MTSS1: variants seen among roughly 807,000 people sequenced by gnomAD.
MTSS1 encodes the protein MTSS I-BAR domain containing 1, also known as protein MTSS 1.
Under a neutral mutation model 79.0 loss-of-function variants are expected in MTSS1, and 18 were observed. The observed-to-expected ratio is 0.23, with a 90% CI of 0.16 to 0.34. The LOEUF (loss-of-function observed/expected upper bound fraction) is 0.34. Ranked by LOEUF, MTSS1 falls within the 10% of genes least tolerant of loss-of-function variation. The pLI is 1.00. For synonymous variants in MTSS1, 341 were observed against 368.6 expected, an observed-to-expected ratio of 0.93 and a Z score of 0.86; for missense variants, 815 against 986.2, an observed-to-expected ratio of 0.83 and a Z score of 2.33.
chr8:124,570,983 A>G (rs986790437), intron 6 of MTSS1, among the ~76,000 whole-genome samples: 1 of 152,056 alleles, frequency 6.6e-6, no homozygotes, highest in African/African-American at 2.4e-5. Context: ...GTTTCAGCAT[A>G]TTTTCAAGGT....
intron 3 of MTSS1, among the ~76,000 whole-genome samples, chr8:124,689,690 G>A (rs1334780054): frequency 6.8e-6 from 1 of 146,598 alleles, no homozygotes; most frequent in Non-Finnish European, 1.5e-5. Flanking sequence ...AGGTTCCAGT[G>A]AGCCAAGATC....
intron 1 of MTSS1, among the ~76,000 whole-genome samples, chr8:124,709,493 T>C (rs928945985): frequency 6.6e-6 from 1 of 152,190 alleles, no homozygotes; most frequent in Non-Finnish European, 1.5e-5. Context: ...CGCCCCGGCT[T>C]CTGCCAAGTC....
intron 1 of MTSS1, among the ~76,000 whole-genome samples, chr8:124,711,387 C>G (rs148042116): frequency 6.6e-6 from 1 of 152,164 alleles, no homozygotes; most frequent in Non-Finnish European, 1.5e-5. Context: ...GAAACTGATG[C>G]CCAGAGAGGT....
chr8:124,636,824 C>T (rs535408660), intron 3 of MTSS1, among the ~76,000 whole-genome samples: 2 of 152,318 alleles, frequency 1.3e-5, no homozygotes, highest in South Asian at 2.1e-4. Flanking sequence ...GGACCTTGCA[C>T]GATGACCTTT....
intron 3 of MTSS1, among the ~76,000 whole-genome samples, chr8:124,674,593 C>T (rs956506972): frequency 2.6e-5 from 4 of 152,182 alleles, no homozygotes; most frequent in Non-Finnish European, 4.4e-5. Flanking sequence ...ATCCGCCCCC[C>T]TCGGCCTCCC....
chr8:124,621,598 G>A (rs1813527859), intron 3 of MTSS1, among the ~76,000 whole-genome samples: 1 of 152,162 alleles, frequency 6.6e-6, no homozygotes, highest in Admixed American at 6.5e-5. Flanking sequence ...AGGCTACAGT[G>A]CAGTGGCGCC....
chr8:124,571,824 TGTGGTGGCACACGCCTGTA>T (rs1412337980), intron 6 of MTSS1, among the ~76,000 whole-genome samples: 1 of 152,030 alleles, frequency 6.6e-6, no homozygotes, highest in African/African-American at 2.4e-5. Context: ...ATTAGCTGGG[TGTGGTGGCACACGCCTGTA>T]GTCCCAGCCA....
At chr8:124,570,503 ATTG>A (rs1827521392) in intron 6 of MTSS1, among the ~76,000 whole-genome samples, 1 of 152,274 alleles carries the variant, frequency 6.6e-6, no homozygotes, top group South Asian at 2.1e-4. Context: ...TTCTATTATT[ATTG>A]TTGTTAATCT....
chr8:124,720,969 A>G (rs1267601758), intron 1 of MTSS1, among the ~76,000 whole-genome samples: 1 of 152,192 alleles, frequency 6.6e-6, no homozygotes, highest in Non-Finnish European at 1.5e-5. Flanking sequence ...TAACTCGCCC[A>G]TGGGATTTGA....
At chr8:124,671,812 C>T (rs547926962) in intron 3 of MTSS1, among the ~76,000 whole-genome samples, 15 of 152,334 alleles carry the variant, frequency 9.8e-5, no homozygotes, top group Middle Eastern at 3.4e-3. Flanking sequence ...GATCAACATC[C>T]ATTTCCTTTA....
chr8:124,675,928 C>A (rs139122868), intron 3 of MTSS1, among the ~76,000 whole-genome samples: 3 of 152,198 alleles, frequency 2.0e-5, no homozygotes, highest in Admixed American at 1.3e-4. Flanking sequence ...TTGGTTATCA[C>A]GAATAATGTT....
chr8:124,594,576 G>A (rs1255912280), intron 3 of MTSS1, among the ~76,000 whole-genome samples: 2 of 152,098 alleles, frequency 1.3e-5, no homozygotes, highest in Non-Finnish European at 2.9e-5. Context: ...AAAGGAAATA[G>A]CTGAACTATG....
chr8:124,595,512 A>G (rs1832603082), intron 3 of MTSS1, among the ~76,000 whole-genome samples: 1 of 152,220 alleles, frequency 6.6e-6, no homozygotes, highest in South Asian at 2.1e-4. Context: ...CCAGCGGTGC[A>G]ATCTACTCCC....
intron 3 of MTSS1, among the ~76,000 whole-genome samples, chr8:124,651,224 C>T (rs1375560144): frequency 1.3e-5 from 2 of 152,152 alleles, no homozygotes; most frequent in Non-Finnish European, 2.9e-5. Flanking sequence ...AGTATTAAAG[C>T]CCCATGCAAC....
chr8:124,720,713 G>C (rs2135790096), intron 1 of MTSS1, among the ~76,000 whole-genome samples: 1 of 152,318 alleles, frequency 6.6e-6, no homozygotes, highest in Admixed American at 6.5e-5. Context: ...CTCCATAAGG[G>C]TGGGGCAGTG....
chr8:124,597,633 G>A lies in MTSS1; in HGVS notation c.209-6398C>T, dbSNP rs1832995063. On this transcript the variant is annotated intron_variant, in intron 3 of 13. Coordinates refer to ENST00000518547, the MANE Select transcript of MTSS1 (RefSeq NM_014751.6). This position sits in a 1 kb window ranked among gnomAD's most constrained non-coding sequence, Gnocchi z 4.6. Reference sequence around the variant, plus strand: ...CTGCATAGCAGGGGACTAATGGCAGGCATTCTTGGGGGCTACAGTGTGGGC... The same window carrying A: ...CTGCATAGCAGGGGACTAATGGCAGACATTCTTGGGGGCTACAGTGTGGGC... Among the ~76,000 whole-genome samples, 1 of 152,220 alleles carries A rather than the reference G, an allele frequency of 6.6e-6. No homozygotes were observed. The highest frequency in any genetic ancestry group is 1.5e-5 in the Non-Finnish European group (1 of 68,036).
intron 3 of MTSS1, among the ~76,000 whole-genome samples, chr8:124,635,002 C>T (rs1816731943): frequency 6.6e-6 from 1 of 152,206 alleles, no homozygotes; most frequent in Admixed American, 6.5e-5. Context: ...AATGAACTGT[C>T]CTCTGATTCT....
At chr8:124,711,749 A>G (rs4871532) in intron 1 of MTSS1, among the ~76,000 whole-genome samples, 91,548 of 151,864 alleles carry the variant, frequency 0.6, 27,824 homozygotes, top group African/African-American at 0.66. Flanking sequence ...CCTCACTCCT[A>G]TAATCCTAGC....
chr8:124,663,409 C>T (rs1373301941), intron 3 of MTSS1, among the ~76,000 whole-genome samples: 1 of 152,110 alleles, frequency 6.6e-6, no homozygotes, highest in African/African-American at 2.4e-5. Context: ...CCTGTGCTCA[C>T]TCGGCCCTCC....
Sources: allele counts gnomAD v4.1 joint callset (sites outside exome capture counted in the v4.1 genomes callset), GRCh38; gene constraint gnomAD v4.1.1; non-coding constraint Gnocchi (gnomAD v3.1); transcripts MANE v1.5; gene names NCBI Gene and HGNC (gene_info 2026-07-23, HGNC 2026-07-21).